Variants in CTNNA3 observed in about 807,000 individuals in gnomAD.
The protein encoded by CTNNA3 is catenin alpha 3.
Under a neutral mutation model 95.7 loss-of-function variants are expected in CTNNA3, and 76 were observed. That is an observed-to-expected ratio of 0.79 (90% CI 0.66 to 0.96). The LOEUF (loss-of-function observed/expected upper bound fraction) is 0.96, where lower values mean the gene tolerates loss of function less well. Among genes scored for constraint, CTNNA3 ranks in the 40% least tolerant of loss-of-function variants. The pLI, the probability that CTNNA3 is intolerant of heterozygous loss-of-function variation, is 0.00. For synonymous variants in CTNNA3, 431 were observed against 374.4 expected (o/e 1.15, Z -1.74); for missense variants, 1,191 against 1,089.8 (o/e 1.09, Z -1.31).
At chr10:67,183,438 G>T (rs1416220137) in intron 6 of CTNNA3, among the ~76,000 whole-genome samples, 1 of 151,360 alleles carries the variant, frequency 6.6e-6, no homozygotes, top group African/African-American at 2.4e-5. Context: ...CTATCGCAAG[G>T]ACAAAAAACC....
At chr10:66,181,732 T>A (rs2131857689) in intron 13 of CTNNA3, among the ~76,000 whole-genome samples, 1 of 152,344 alleles carries the variant, frequency 6.6e-6, no homozygotes, top group South Asian at 2.1e-4. Context: ...ATTTCAGTGT[T>A]ACAATTGTTA....
intron 17 of CTNNA3, among the ~76,000 whole-genome samples, chr10:65,945,553 T>A (rs2133191579): frequency 6.6e-6 from 1 of 152,254 alleles, no homozygotes; most frequent in East Asian, 1.9e-4. Context: ...ACATTGAGAA[T>A]GTTGGACAGC....
chr10:67,279,119 T>C (rs1339875812), intron 5 of CTNNA3, among the ~76,000 whole-genome samples: 2 of 152,146 alleles, frequency 1.3e-5, no homozygotes, highest in Non-Finnish European at 2.9e-5. Context: ...ATGGGATCCA[T>C]ACTAAATAAG....
chr10:66,497,326 T>C (rs535702961), intron 11 of CTNNA3, among the ~76,000 whole-genome samples: 99 of 151,870 alleles, frequency 6.5e-4, no homozygotes, highest in African/African-American at 2.3e-3. Flanking sequence ...GTTGCAGTTT[T>C]TGTCATCACT....
At position 67,480,085 on chromosome 10, in the gene CTNNA3, G is replaced by A. The variant is rs142174210; in HGVS notation, c.579+41757C>T. 4.3e-4 allele frequency among the ~76,000 whole-genome samples: 65 copies of A among 151,660 alleles called. No individual in the cohort carries two copies. In the East Asian group the frequency reaches 0.012, roughly 29 times the overall value. On this transcript the variant is annotated intron_variant, in intron 5 of 17. Transcript: ENST00000433211. ...AATAACAAGTTCCAAAATTGAACCA[G>A]TAATACAAAGCCCACCAACCAAAAA... is the stretch of plus-strand genomic sequence containing the variant.
In CTNNA3 at chr10:66,379,497, G is replaced by A. The variant is rs1393509449; in HGVS notation, c.1532-145C>T. On this transcript the variant is annotated intron_variant, in intron 11 of 17. Transcript: ENST00000433211. ...GACTTTGAGAATTATAAAAAAATTG[G>A]AGACATATTTTGCTTACATCCCTTT... is the stretch of plus-strand genomic sequence containing the variant. The A allele has an allele frequency of 7.0e-6, 5 of 711,756 alleles. No individual in the cohort carries two copies. In the East Asian group the frequency reaches 1.1e-4, roughly 16 times the overall value. 44.1% of individuals were successfully genotyped at this position (711,756 alleles called of 1,614,324 possible).
intron 11 of CTNNA3, among the ~76,000 whole-genome samples, chr10:66,392,723 A>T (rs1353346745): frequency 6.6e-6 from 1 of 152,112 alleles, no homozygotes; most frequent in African/African-American, 2.4e-5. Flanking sequence ...TAAAACACTG[A>T]TAACACCAAA....
chr10:66,966,287 A>G (rs1166699280), intron 7 of CTNNA3, among the ~76,000 whole-genome samples: 1 of 152,174 alleles, frequency 6.6e-6, no homozygotes, highest in African/African-American at 2.4e-5. Context: ...AATTAAATTA[A>G]TCTTTTAAGT....
At position 66,044,180 on chromosome 10, in the gene CTNNA3, C is replaced by T. The variant is rs181003654; in HGVS notation, c.2159+25128G>A. The stretch of plus-strand genomic sequence containing the variant: ...CGGCTAATTGCATCTTTAGTACAGA[C>T]GGAGTTTCGCCATGTTTGCCAGGCT... On this transcript the variant is annotated intron_variant, in intron 15 of 17. Coordinates refer to ENST00000433211, the MANE Select transcript of CTNNA3 (RefSeq NM_013266.4). Among the ~76,000 whole-genome samples the T allele has an allele frequency of 1.6e-3, 250 of 152,196 alleles. 2 individuals carry two copies. The highest frequency in any genetic ancestry group is 0.011 in the East Asian group (59 of 5,138).
At position 66,928,565 on chromosome 10, in the gene CTNNA3, C is replaced by T. The variant is rs115272349; in HGVS notation, c.1048-153041G>A. Reference sequence around the variant, plus strand: ...ATGCCCCCCCTCCCCTTCCCTCTCCCTCTCACTTTGCTGGCAAGATCCTTC... The same window carrying T: ...ATGCCCCCCCTCCCCTTCCCTCTCCTTCTCACTTTGCTGGCAAGATCCTTC... On this transcript the variant is annotated intron_variant, in intron 7 of 17. Coordinates refer to ENST00000433211, the MANE Select transcript of CTNNA3 (RefSeq NM_013266.4). 1.9e-4 allele frequency: 187 copies of T among 980,862 alleles called. 1 individual carries two copies. In the African/African-American group the frequency reaches 2.3e-3, roughly 12 times the overall value. The allele number at this position is 980,862 out of a possible 1,614,324, so 60.8% of individuals were successfully genotyped here.
At chr10:67,650,486 C>T (rs891133132) in intron 1 of CTNNA3, among the ~76,000 whole-genome samples, 1 of 152,054 alleles carries the variant, frequency 6.6e-6, no homozygotes, top group Non-Finnish European at 1.5e-5. Context: ...AGAAAGACAC[C>T]AAGGCAGGGC....
chr10:66,802,379 G>A (rs1034727841), intron 7 of CTNNA3, among the ~76,000 whole-genome samples: 1 of 151,664 alleles, frequency 6.6e-6, no homozygotes, highest in African/African-American at 2.4e-5. Flanking sequence ...AAGAAGATAT[G>A]CAAATGACCA....
intron 10 of CTNNA3, among the ~76,000 whole-genome samples, chr10:66,619,326 G>T (rs1210506696): frequency 6.8e-6 from 1 of 146,934 alleles, no homozygotes; most frequent in South Asian, 2.3e-4. Flanking sequence ...GTCCAACAAC[G>T]ATAGACTGGA....
At chr10:66,514,042 G>C (rs1486546473) in intron 11 of CTNNA3, among the ~76,000 whole-genome samples, 3 of 152,172 alleles carry the variant, frequency 2.0e-5, no homozygotes, top group Non-Finnish European at 4.4e-5. Flanking sequence ...ACACTTGTTA[G>C]TGCATTTTTG....
chr10:67,292,453 A>G (rs1839876390), intron 5 of CTNNA3, among the ~76,000 whole-genome samples: 1 of 152,110 alleles, frequency 6.6e-6, no homozygotes, highest in Admixed American at 6.5e-5. Context: ...ATTCTCCACA[A>G]TTTCATGTAA....
chr10:65,938,706 A>G (rs1382310045), intron 17 of CTNNA3, among the ~76,000 whole-genome samples: 1 of 152,094 alleles, frequency 6.6e-6, no homozygotes, highest in African/African-American at 2.4e-5. Context: ...ACAGAAGCCT[A>G]TAAGGCATCT....
At chr10:67,187,063 A>C (rs1343090322) in intron 6 of CTNNA3, among the ~76,000 whole-genome samples, 1 of 152,012 alleles carries the variant, frequency 6.6e-6, no homozygotes, top group Non-Finnish European at 1.5e-5. Context: ...TTGATTAATA[A>C]ATTTATTCCT....
intron 7 of CTNNA3, among the ~76,000 whole-genome samples, chr10:67,134,540 G>C (rs1860197951): frequency 6.6e-6 from 1 of 152,066 alleles, no homozygotes. Context: ...TGGAGCTGGT[G>C]GATTCCTCAA....
chr10:66,222,588 A>AAAAGAAAGAATG, intron 13 of CTNNA3, among the ~76,000 whole-genome samples: 1 of 127,678 alleles, frequency 7.8e-6, no homozygotes, highest in South Asian at 2.4e-4. Context: ...GAAGGAAAGA[A>AAAAGAAAGAATG]AAAGAAAGAA....
Sources: allele counts gnomAD v4.1 joint callset (sites outside exome capture counted in the v4.1 genomes callset), GRCh38; gene constraint gnomAD v4.1.1; transcripts MANE v1.5; gene names NCBI Gene and HGNC (gene_info 2026-07-23, HGNC 2026-07-21).